Variants in BCL7C observed in about 807,000 individuals in gnomAD.
BCL7C encodes BAF chromatin remodeling complex subunit BCL7C, also known as B-cell CLL/lymphoma 7 protein family member C.
In BCL7C, 8 loss-of-function variants were observed where a neutral mutation model predicts 26.2. The observed-to-expected ratio is 0.30, with a 90% CI of 0.18 to 0.55. The LOEUF (loss-of-function observed/expected upper bound fraction) is 0.55. Ranked by LOEUF, BCL7C falls within the 20% of genes least tolerant of loss-of-function variation. The probability of loss-of-function intolerance (pLI) is 0.93; values close to 1 mark genes in which losing one functional copy is unlikely to be tolerated. For missense variants in BCL7C, 262 were observed against 298.5 expected (o/e 0.88, Z 0.90); for synonymous variants, 90 against 116.5 (o/e 0.77, Z 1.47).
At chr16:30,840,925 C>T (rs942827560) in intron 5 of BCL7C, among the ~76,000 whole-genome samples, 1 of 152,144 alleles carries the variant, frequency 6.6e-6, no homozygotes, top group African/African-American at 2.4e-5. Context: ...TCCCATGACA[C>T]GTGGAGATTA....
rs540913529 is a variant in BCL7C at position 30,862,000 on chromosome 16, A to C, written c.529-26852T>G. Among the ~76,000 whole-genome samples, 4 of 151,204 alleles carry C rather than the reference A, an allele frequency of 2.6e-5. No homozygotes were observed. In the East Asian group the frequency reaches 7.8e-4, roughly 30 times the overall value. On this transcript the variant is annotated intron_variant, in intron 5 of 5. Transcript: ENST00000380317. ...TGCCTCAGCCTCCCAAGTAGCTGGG[A>C]CTACAGGCACTGGCTAATTTTTTGT...
chr16:30,883,875 C>T (rs2055083750), downstream of BCL7C, among the ~76,000 whole-genome samples: 1 of 147,194 alleles, frequency 6.8e-6, no homozygotes, highest in Admixed American at 6.9e-5. Flanking sequence ...CCTGTAATCC[C>T]AGCACTTTGG....
At chr16:30,858,401 G>C (rs1171313414) in intron 5 of BCL7C, among the ~76,000 whole-genome samples, 2 of 152,172 alleles carry the variant, frequency 1.3e-5, no homozygotes, top group Non-Finnish European at 2.9e-5. Context: ...CTTGGGGAGA[G>C]GGAATATCCA....
intron 4 of BCL7C, among the ~76,000 whole-genome samples, chr16:30,890,493 T>C (rs899401288): frequency 2.0e-5 from 3 of 151,602 alleles, no homozygotes; most frequent in African/African-American, 7.3e-5. Flanking sequence ...CATCTATAAA[T>C]AGGGATCATA....
intron 5 of BCL7C, among the ~76,000 whole-genome samples, chr16:30,844,068 A>AT (rs2054618822): frequency 6.8e-6 from 1 of 146,526 alleles, no homozygotes; most frequent in East Asian, 2.0e-4. Flanking sequence ...AAAAAAAAAA[A>AT]AGTCCGGGCG....
chr16:30,866,090 A>T (rs574585113), intron 5 of BCL7C, among the ~76,000 whole-genome samples: 24 of 152,084 alleles, frequency 1.6e-4, no homozygotes, highest in Non-Finnish European at 2.9e-4. Flanking sequence ...AAAAAATTGT[A>T]AACTATCTCA....
downstream of BCL7C, among the ~76,000 whole-genome samples, chr16:30,885,384 T>G (rs911197541): frequency 3.3e-5 from 5 of 151,836 alleles, no homozygotes; most frequent in Non-Finnish European, 5.9e-5. Flanking sequence ...TCTCCAGAAC[T>G]GTAAGAGAAT....
intron 5 of BCL7C, among the ~76,000 whole-genome samples, chr16:30,878,251 C>A (rs555216850): frequency 1.3e-4 from 20 of 152,098 alleles, no homozygotes; most frequent in African/African-American, 4.6e-4. Context: ...TGGGGTGGGG[C>A]CGGGTGTGGT....
At chr16:30,847,515 G>A (rs1225164103) in intron 5 of BCL7C, among the ~76,000 whole-genome samples, 2 of 152,090 alleles carry the variant, frequency 1.3e-5, no homozygotes, top group Admixed American at 1.3e-4. Context: ...CTCATCATGG[G>A]CCAGGCACAG....
chr16:30,846,877 C>T (rs536850056), intron 5 of BCL7C, among the ~76,000 whole-genome samples: 6 of 152,318 alleles, frequency 3.9e-5, no homozygotes, highest in Non-Finnish European at 7.3e-5. Context: ...GACGCTGTCA[C>T]GTGATGGTGG....
chr16:30,874,434 T>C (rs1181627947), intron 5 of BCL7C, among the ~76,000 whole-genome samples: 1 of 151,898 alleles, frequency 6.6e-6, no homozygotes, highest in Non-Finnish European at 1.5e-5. Context: ...CTGGACAACA[T>C]AGCGAGATCC....
intron 5 of BCL7C, among the ~76,000 whole-genome samples, chr16:30,873,146 G>A (rs2143026329): frequency 6.6e-6 from 1 of 152,144 alleles, no homozygotes; most frequent in South Asian, 2.1e-4. Context: ...ACCCAAGAGT[G>A]GTAAAAATAG....
chr16:30,837,009 TG>T (rs1451456314), intron 5 of BCL7C, among the ~76,000 whole-genome samples: 1 of 151,874 alleles, frequency 6.6e-6, no homozygotes, highest in Non-Finnish European at 1.5e-5. Context: ...TTGGCCAGGC[TG>T]GTCTTGAACT....
intron 5 of BCL7C, among the ~76,000 whole-genome samples, chr16:30,871,792 T>C (rs2054884813): frequency 6.6e-6 from 1 of 152,098 alleles, no homozygotes; most frequent in Non-Finnish European, 1.5e-5. Context: ...GCCACTATTT[T>C]GTTTTATAGG....
intron 5 of BCL7C, among the ~76,000 whole-genome samples, chr16:30,871,085 G>A (rs1419239892): frequency 1.3e-5 from 2 of 152,224 alleles, no homozygotes; most frequent in Non-Finnish European, 2.9e-5. Context: ...AGAGGGGCCA[G>A]AACTGGGCAG....
rs1197920128 is a variant in BCL7C, at chr16:30,888,013, C to T, written c.529-23G>A. On this transcript the variant is annotated intron_variant, in intron 5 of 5. Coordinates refer to ENST00000215115, the MANE Select transcript of BCL7C (RefSeq NM_004765.4). ...GGCCTGGAGAGGAAGGGTGGACAGG[C>T]GTGAGCTCCACAGAACCCAGGCGTC... The T allele has an allele frequency of 8.1e-6, 13 of 1,595,532 alleles. 1 individual carries two copies. The highest frequency in any genetic ancestry group is 2.3e-5 in the East Asian group (1 of 42,882).
At chr16:30,889,715 C>T (rs1002445416) in intron 4 of BCL7C, among the ~76,000 whole-genome samples, 16 of 152,108 alleles carry the variant, frequency 1.1e-4, no homozygotes, top group African/African-American at 3.1e-4. Context: ...GCAGAAGGAT[C>T]GCTTGAGCCT....
At chr16:30,876,191 C>T (rs2054947446) in intron 5 of BCL7C, 1 of 152,298 alleles carries the variant, frequency 6.6e-6, no homozygotes, top group Admixed American at 6.5e-5. Context: ...GCATCCCTGC[C>T]TTCACAGCCA....
At chr16:30,884,504 T>G (rs1182401858), downstream of BCL7C, among the ~76,000 whole-genome samples, 2 of 149,426 alleles carry the variant, frequency 1.3e-5, no homozygotes, top group East Asian at 2.0e-4. Context: ...TTTTTTTTTT[T>G]TTTTTTTTTT....
Sources: gnomAD v4.1 joint callset for allele counts (sites outside exome capture counted in the v4.1 genomes callset) on GRCh38, gnomAD v4.1.1 for gene constraint, MANE v1.5 for transcripts, NCBI Gene and HGNC (gene_info 2026-07-23, HGNC 2026-07-21) for gene names.